Variants in SNTG1 observed in about 807,000 individuals in gnomAD.
SNTG1 encodes the protein syntrophin gamma 1, also known as gamma-1-syntrophin.
Under a neutral mutation model 74.7 loss-of-function variants are expected in SNTG1, and 39 were observed. The ratio of observed to expected loss-of-function variants is 0.52; its 90% CI spans 0.40 to 0.68. The LOEUF is 0.68. Among genes scored for constraint, SNTG1 ranks in the 30% least tolerant of loss-of-function variants. The probability of loss-of-function intolerance (pLI) is 0.00; values close to 1 mark genes in which losing one functional copy is unlikely to be tolerated. For synonymous variants in SNTG1, 254 were observed against 217.1 expected (o/e 1.17, Z -1.49); for missense variants, 685 against 609.5 (o/e 1.12, Z -1.30).
At chr8:50,325,920 C>T (rs1312250664) in intron 2 of SNTG1, among the ~76,000 whole-genome samples, 1 of 151,996 alleles carries the variant, frequency 6.6e-6, no homozygotes, top group African/African-American at 2.4e-5. Context: ...TTCTAGCTTG[C>T]TGAGAGTTTT....
At chr8:50,379,797 CAT>C (rs1037946335) in intron 2 of SNTG1, among the ~76,000 whole-genome samples, 22 of 152,376 alleles carry the variant, frequency 1.4e-4, no homozygotes, top group African/African-American at 4.6e-4. Flanking sequence ...GCCTGGCGGC[CAT>C]CCCTGTTCTC....
At chr8:49,920,623 A>T (rs1806451880) in intron 1 of SNTG1, among the ~76,000 whole-genome samples, 1 of 152,120 alleles carries the variant, frequency 6.6e-6, no homozygotes, top group Admixed American at 6.6e-5. Context: ...TAACTAAGTA[A>T]CTGGAGGCGT....
chr8:50,583,744 T>C (rs1349847315), intron 12 of SNTG1, among the ~76,000 whole-genome samples: 1 of 151,146 alleles, frequency 6.6e-6, no homozygotes, highest in Non-Finnish European at 1.5e-5. Context: ...AGAGGTCAGG[T>C]AAGTTTCTTC....
chr8:50,325,621 T>C (rs1261469477), intron 2 of SNTG1, among the ~76,000 whole-genome samples: 2 of 152,080 alleles, frequency 1.3e-5, no homozygotes, highest in East Asian at 1.9e-4. Context: ...TTGTCAATTA[T>C]AGTATTTTCT....
chr8:50,723,597 T>A (rs1409797924), intron 17 of SNTG1, among the ~76,000 whole-genome samples: 1 of 152,158 alleles, frequency 6.6e-6, no homozygotes. Context: ...AATGAAGTGA[T>A]TTTTCTTCAT....
chr8:50,287,917 C>T (rs1410944643), intron 2 of SNTG1, among the ~76,000 whole-genome samples: 1 of 152,148 alleles, frequency 6.6e-6, no homozygotes, highest in Non-Finnish European at 1.5e-5. Flanking sequence ...CCATCCAGCT[C>T]ATCATATTGT....
chr8:50,785,794 C>A (rs555174010), intron 18 of SNTG1, among the ~76,000 whole-genome samples: 2 of 152,074 alleles, frequency 1.3e-5, no homozygotes, highest in South Asian at 4.1e-4. Flanking sequence ...AATCCAGCAA[C>A]ATGCAAAAAT....
At chr8:50,507,781 C>A (rs1169857375) in intron 9 of SNTG1, among the ~76,000 whole-genome samples, 1 of 151,678 alleles carries the variant, frequency 6.6e-6, no homozygotes, top group Non-Finnish European at 1.5e-5. Context: ...TGTGCTGCAC[C>A]CATTAACTCA....
intron 12 of SNTG1, among the ~76,000 whole-genome samples, chr8:50,557,179 G>A (rs183654219): frequency 5.3e-5 from 8 of 151,468 alleles, no homozygotes; most frequent in South Asian, 4.2e-4. Flanking sequence ...AGTATCAGGC[G>A]GGTGGTGGCA....
chr8:50,115,667 G>A (rs961814381), intron 1 of SNTG1, among the ~76,000 whole-genome samples: 7 of 151,608 alleles, frequency 4.6e-5, no homozygotes, highest in Non-Finnish European at 7.4e-5. Context: ...AATGAGTGCT[G>A]AGAGGTGGAA....
At chr8:50,160,129 G>A (rs994622084) in intron 1 of SNTG1, among the ~76,000 whole-genome samples, 11 of 152,146 alleles carry the variant, frequency 7.2e-5, no homozygotes, top group African/African-American at 2.4e-4. Context: ...CTTGGGCATT[G>A]CACTTAATTT....
intron 2 of SNTG1, among the ~76,000 whole-genome samples, chr8:50,254,855 A>T (rs942225833): frequency 2.8e-5 from 1 of 35,524 alleles, no homozygotes; most frequent in Admixed American, 5.7e-4. Flanking sequence ...TCCTCAAAGA[A>T]AAAAAAAAAA....
intron 13 of SNTG1, among the ~76,000 whole-genome samples, chr8:50,636,489 GGCTTATCTAAAT>G (rs749883316): frequency 1.8e-4 from 27 of 152,060 alleles, no homozygotes; most frequent in Non-Finnish European, 3.8e-4. Context: ...CTGTGGCTAT[GGCTTATCTAAAT>G]GCTTCCTCCG....
chr8:50,571,519 A>G (rs2094549062), intron 12 of SNTG1, among the ~76,000 whole-genome samples: 1 of 152,238 alleles, frequency 6.6e-6, no homozygotes, highest in Non-Finnish European at 1.5e-5. Flanking sequence ...GCAGTGCTTC[A>G]CTGAGAAGCT....
chr8:50,142,568 G>C (rs1473759084), intron 1 of SNTG1, among the ~76,000 whole-genome samples: 1 of 151,906 alleles, frequency 6.6e-6, no homozygotes, highest in Non-Finnish European at 1.5e-5. Flanking sequence ...GTAACCAGAA[G>C]TAAAATGAAT....
intron 2 of SNTG1, among the ~76,000 whole-genome samples, chr8:50,250,282 G>C (rs1353660312): frequency 6.6e-6 from 1 of 151,398 alleles, no homozygotes; most frequent in Non-Finnish European, 1.5e-5. Context: ...TTTAAAAAAA[G>C]GAAAGAAGAA....
intron 1 of SNTG1, among the ~76,000 whole-genome samples, chr8:50,020,402 T>C (rs894563843): frequency 2.6e-5 from 4 of 152,168 alleles, no homozygotes; most frequent in African/African-American, 7.2e-5. Context: ...TTTAAAATCA[T>C]TGGTTTTAAT....
rs1239543928 is a variant in SNTG1, at chr8:50,718,943, GC to G, written c.1284+9966del. 2.0e-5 allele frequency among the ~76,000 whole-genome samples: 3 copies of G among 152,244 alleles called. No homozygotes were observed. In the East Asian group the frequency reaches 5.8e-4, roughly 29 times the overall value. On this transcript the variant is annotated intron_variant, in intron 17 of 18. Coordinates refer to ENST00000642720, the MANE Select transcript of SNTG1 (RefSeq NM_018967.5). Reference sequence around the variant, plus strand: ...GTGGTTGTTTCTTAGATTGCAGAATGCATTTACTTAGATGTACATCTCTGAG... The same window carrying G: ...GTGGTTGTTTCTTAGATTGCAGAATGATTTACTTAGATGTACATCTCTGAG...
chr8:50,760,885 C>T (rs1399518631), intron 18 of SNTG1, among the ~76,000 whole-genome samples: 1 of 151,890 alleles, frequency 6.6e-6, no homozygotes, highest in African/African-American at 2.4e-5. Flanking sequence ...CAATTAATAG[C>T]CTACCAACCA....
Sources: gnomAD v4.1 joint callset for allele counts (sites outside exome capture counted in the v4.1 genomes callset) on GRCh38, gnomAD v4.1.1 for gene constraint, MANE v1.5 for transcripts, NCBI Gene and HGNC (gene_info 2026-07-23, HGNC 2026-07-21) for gene names.